Variants in CTNNA2 observed in about 807,000 individuals in gnomAD.
CTNNA2 encodes the protein catenin alpha 2.
Under a neutral mutation model 101.0 loss-of-function variants are expected in CTNNA2, and 42 were observed. That is an observed-to-expected ratio of 0.42 (90% confidence interval 0.32 to 0.54). The LOEUF is 0.54. Ranked by LOEUF, CTNNA2 falls within the 20% of genes least tolerant of loss-of-function variation. CTNNA2 has a pLI of 0.14. For missense variants in CTNNA2, 871 were observed against 1,223.1 expected (o/e 0.71, Z 4.29); for synonymous variants, 450 against 456.4 (o/e 0.99, Z 0.18).
intron 7 of CTNNA2, among the ~76,000 whole-genome samples, chr2:80,021,193 T>A (rs1217808572): frequency 6.6e-6 from 1 of 151,830 alleles, no homozygotes; most frequent in African/African-American, 2.4e-5. Context: ...CTAATTTTTG[T>A]ATTTTTTGTA....
chr2:80,397,116 A>G (rs555399864), intron 8 of CTNNA2, among the ~76,000 whole-genome samples: 1 of 152,208 alleles, frequency 6.6e-6, no homozygotes, highest in Admixed American at 6.5e-5. Flanking sequence ...ATAAAAAACA[A>G]TTACAACTAA....
rs145786348 is a variant in CTNNA2 at position 80,313,413 on chromosome 2, T to C, written c.1057-79798T>C. The C allele has an allele frequency of 3.0e-4, 427 of 1,435,896 alleles. 1 individual carries two copies. In the East Asian group the frequency reaches 6.3e-3, roughly 21 times the overall value. 88.9% of individuals were successfully genotyped at this position (1,435,896 alleles called of 1,614,324 possible). A position where few individuals can be genotyped will look rare whatever the true frequency, so the allele number is the denominator to read the frequency against. ...GTTAGATAAAATGTGGTGCCTACCC[T>C]GTGTGTTCACAGTTCTGGAGTGGAG... On this transcript the variant is annotated intron_variant, in intron 7 of 18. Transcript: ENST00000402739.
chr2:80,531,477 C>G (rs1030223856), intron 9 of CTNNA2, among the ~76,000 whole-genome samples: 28 of 152,290 alleles, frequency 1.8e-4, no homozygotes, highest in African/African-American at 6.5e-4. Flanking sequence ...CTAGAGTGAT[C>G]CTCCAGTTTC....
chr2:79,359,126 A>C (rs1677571125), intron 3 of CTNNA2, among the ~76,000 whole-genome samples: 1 of 152,186 alleles, frequency 6.6e-6, no homozygotes, highest in Non-Finnish European at 1.5e-5. Context: ...GACATGAAAC[A>C]GACAACTTTT....
intron 3 of CTNNA2, among the ~76,000 whole-genome samples, chr2:79,812,477 T>C (rs1200399739): frequency 1.3e-5 from 2 of 152,306 alleles, no homozygotes; most frequent in Admixed American, 1.3e-4. Context: ...TATTTGCATC[T>C]ATTGCAATGA....
At chr2:79,359,540 G>A (rs961476344) in intron 3 of CTNNA2, among the ~76,000 whole-genome samples, 2 of 152,050 alleles carry the variant, frequency 1.3e-5, no homozygotes, top group Non-Finnish European at 2.9e-5. Flanking sequence ...TAGATCAACC[G>A]GGTTAATAGC....
chr2:79,614,551 G>A (rs893237225), intron 1 of CTNNA2, among the ~76,000 whole-genome samples: 3 of 152,080 alleles, frequency 2.0e-5, no homozygotes, highest in Admixed American at 2.0e-4. Flanking sequence ...ACTATTTATT[G>A]AGAATGAGAA....
At chr2:79,339,392 A>T (rs1677079252) in intron 3 of CTNNA2, among the ~76,000 whole-genome samples, 1 of 152,028 alleles carries the variant, frequency 6.6e-6, no homozygotes, top group African/African-American at 2.4e-5. Context: ...AGTCAATTAC[A>T]GGGTATTGTC....
chr2:79,221,329 G>A (rs1471375881), intron 2 of CTNNA2, among the ~76,000 whole-genome samples: 1 of 151,994 alleles, frequency 6.6e-6, no homozygotes, highest in Non-Finnish European at 1.5e-5. Context: ...TTTTTGTTTT[G>A]TTTTGCAGAG....
intron 1 of CTNNA2, among the ~76,000 whole-genome samples, chr2:79,619,860 A>T (rs1678881489): frequency 6.6e-6 from 1 of 152,342 alleles, no homozygotes; most frequent in Admixed American, 6.5e-5. Flanking sequence ...CGGTCTTCTT[A>T]CAAAGAAAAA....
At chr2:79,541,327 C>CTATATA (rs10541674) in intron 1 of CTNNA2, among the ~76,000 whole-genome samples, 14 of 146,176 alleles carry the variant, frequency 9.6e-5, no homozygotes, top group Admixed American at 9.0e-4. Flanking sequence ...CACAGATATC[C>CTATATA]TATATATATA....
At chr2:79,880,411 C>A (rs1189670237) in intron 6 of CTNNA2, among the ~76,000 whole-genome samples, 1 of 152,106 alleles carries the variant, frequency 6.6e-6, no homozygotes, top group Non-Finnish European at 1.5e-5. Flanking sequence ...TCTCTTTGTA[C>A]CTCTGGTAGA....
In CTNNA2 at chr2:80,360,250, A is replaced by G. The variant is rs560818562; in HGVS notation, c.1057-32961A>G. Among the ~76,000 whole-genome samples, 14 of 152,266 alleles carry G rather than the reference A, an allele frequency of 9.2e-5. No homozygotes were observed. In the Middle Eastern group the frequency reaches 0.01, roughly 111 times the overall value. ...GTTCATTGTGCATTGAGCTATTTCT[A>G]TGATAAGTAACACACAACTGATCAA... On this transcript the variant is annotated intron_variant, in intron 7 of 18. Coordinates refer to ENST00000402739, the MANE Select transcript of CTNNA2 (RefSeq NM_001282597.3).
At chr2:79,199,358 A>G (rs962470319) in intron 2 of CTNNA2, among the ~76,000 whole-genome samples, 6 of 152,198 alleles carry the variant, frequency 3.9e-5, no homozygotes, top group Admixed American at 2.6e-4. Context: ...CAACATTGAT[A>G]TAGTCAGTAA....
At chr2:80,502,433 G>A (rs899514354) in intron 9 of CTNNA2, among the ~76,000 whole-genome samples, 4 of 152,190 alleles carry the variant, frequency 2.6e-5, no homozygotes, top group African/African-American at 9.7e-5. Flanking sequence ...TGCCCACAAT[G>A]CAGGCCCTCT....
intron 6 of CTNNA2, among the ~76,000 whole-genome samples, chr2:79,883,990 T>A (rs570752464): frequency 6.6e-6 from 1 of 152,292 alleles, no homozygotes; most frequent in East Asian, 1.9e-4. Context: ...AGAATAACAT[T>A]TAGTACTCAG....
intron 9 of CTNNA2, among the ~76,000 whole-genome samples, chr2:80,450,069 CA>C (rs2149454748): frequency 6.6e-6 from 1 of 152,198 alleles, no homozygotes; most frequent in East Asian, 1.9e-4. Flanking sequence ...TAGGAATGTC[CA>C]AAGAAATTAG....
chr2:79,388,894 T>C (rs993352420), intron 4 of CTNNA2, among the ~76,000 whole-genome samples: 3 of 152,214 alleles, frequency 2.0e-5, no homozygotes, highest in African/African-American at 4.8e-5. Flanking sequence ...ATTTTTTCCC[T>C]GCAACATAAA....
intron 4 of CTNNA2, among the ~76,000 whole-genome samples, chr2:79,498,407 C>T (rs1419738781): frequency 2.6e-5 from 4 of 152,118 alleles, no homozygotes; most frequent in Non-Finnish European, 5.9e-5. Context: ...CAGTACAGCT[C>T]CCTTAAAAAG....
Sources: gnomAD v4.1 joint callset for allele counts (sites outside exome capture counted in the v4.1 genomes callset) on GRCh38, gnomAD v4.1.1 for gene constraint, MANE v1.5 for transcripts, NCBI Gene and HGNC (gene_info 2026-07-23, HGNC 2026-07-21) for gene names.